CYP39A1: variants seen among roughly 807,000 people sequenced by gnomAD.
CYP39A1 encodes the protein 24-hydroxycholesterol 7-alpha-hydroxylase.
Under a neutral mutation model 58.1 loss-of-function variants are expected in CYP39A1, and 49 were observed. The ratio of observed to expected loss-of-function variants is 0.84; its 90% CI spans 0.67 to 1.07. CYP39A1 has a LOEUF of 1.07. Among genes scored for constraint, CYP39A1 ranks in the 50% least tolerant of loss-of-function variants. The pLI, the probability that CYP39A1 is intolerant of heterozygous loss-of-function variation, is 0.00. For synonymous variants in CYP39A1, 209 were observed against 187.6 expected, an observed-to-expected ratio of 1.11 and a Z score of -0.93; for missense variants, 531 against 539.4, an observed-to-expected ratio of 0.98 and a Z score of 0.16.
Position 46,639,649 on chromosome 6 carries a change from G to T in CYP39A1, c.333C>A (p.Val111=), listed in dbSNP as rs1316861041. The change falls in exon 3 of 12, where the codon GTC becomes GTA. Residue 111 remains valine (V), a synonymous_variant. Transcript: ENST00000275016. ...VYRTASIPKN[V]FLALHEKLYI... ...AGAGTTTTTCATGCAGTGCTAAAAAGACATTCTTTGGAATTGATGCTATGA... is the reference window on the plus strand; with the variant it reads ...AGAGTTTTTCATGCAGTGCTAAAAATACATTCTTTGGAATTGATGCTATGA... 2.5e-6 allele frequency: 4 copies of T among 1,612,062 alleles called. No individual in the cohort carries two copies. The South Asian group carries it at 4.4e-5, about 18-fold the overall frequency.
chr6:46,585,466 A>G (rs1022938341), intron 10 of CYP39A1, among the ~76,000 whole-genome samples: 1 of 152,170 alleles, frequency 6.6e-6, no homozygotes, highest in African/African-American at 2.4e-5. Flanking sequence ...GGTATGTGAC[A>G]AAAACAAAAA....
chr6:46,580,931 A>G lies in CYP39A1; in HGVS notation c.1250+6146T>C, dbSNP rs372007469. ...GTAAAATAGTTCGGTCACTATAAAA[A>G]GCAGTTCGGAGATTTCTCAAAGAAC... On this transcript the variant is annotated intron_variant, in intron 10 of 11. Transcript: ENST00000275016. 1.2e-3 allele frequency among the ~76,000 whole-genome samples: 176 copies of G among 152,334 alleles called. No individual in the cohort carries two copies. In the South Asian group the frequency reaches 0.015, roughly 13 times the overall value.
intron 10 of CYP39A1, among the ~76,000 whole-genome samples, chr6:46,557,891 G>T (rs1390863207): frequency 7.8e-6 from 1 of 128,004 alleles, no homozygotes; most frequent in South Asian, 2.4e-4. Context: ...AGCTGAGATC[G>T]CACCACTGCA....
intron 10 of CYP39A1, among the ~76,000 whole-genome samples, chr6:46,559,226 A>G (rs1770837260): frequency 6.6e-6 from 1 of 152,166 alleles, no homozygotes; most frequent in Non-Finnish European, 1.5e-5. Flanking sequence ...ATGTTACTCT[A>G]TACTCAGACT....
intron 7 of CYP39A1, among the ~76,000 whole-genome samples, chr6:46,604,839 A>C (rs1446130500): frequency 6.6e-6 from 1 of 152,182 alleles, no homozygotes; most frequent in Non-Finnish European, 1.5e-5. Flanking sequence ...TTACTTAAAC[A>C]TAAGATAGCA....
chr6:46,574,272 C>A (rs1037021458), intron 10 of CYP39A1, among the ~76,000 whole-genome samples: 2 of 152,156 alleles, frequency 1.3e-5, no homozygotes, highest in South Asian at 4.1e-4. Context: ...TCAATAGAAA[C>A]CCTAGTAGTT....
chr6:46,629,387 T>C (rs1775514539), intron 6 of CYP39A1, among the ~76,000 whole-genome samples: 1 of 152,204 alleles, frequency 6.6e-6, no homozygotes, highest in Non-Finnish European at 1.5e-5. Flanking sequence ...GATGTTTGTT[T>C]CTCAATTTTG....
intron 10 of CYP39A1, among the ~76,000 whole-genome samples, chr6:46,584,866 T>C (rs932388909): frequency 1.3e-5 from 2 of 152,178 alleles, no homozygotes; most frequent in Non-Finnish European, 2.9e-5. Flanking sequence ...AAGCTCAGTG[T>C]GACGCTTTGG....
At chr6:46,575,224 A>C (rs952941798) in intron 10 of CYP39A1, among the ~76,000 whole-genome samples, 1 of 152,190 alleles carries the variant, frequency 6.6e-6, no homozygotes, top group African/African-American at 2.4e-5. Flanking sequence ...CAGCCTGGAA[A>C]GAGCCCAGAG....
At chr6:46,633,573 G>A (rs1775782410) in intron 5 of CYP39A1, among the ~76,000 whole-genome samples, 1 of 151,832 alleles carries the variant, frequency 6.6e-6, no homozygotes, top group Non-Finnish European at 1.5e-5. Flanking sequence ...AAAAACATTA[G>A]CTCGGCCAGG....
intron 7 of CYP39A1, among the ~76,000 whole-genome samples, chr6:46,600,121 CTTTTCTT>C (rs1379204942): frequency 7.3e-5 from 11 of 151,436 alleles, no homozygotes; most frequent in Non-Finnish European, 8.8e-5. Context: ...CTTTTCTTTT[CTTTTCTT>C]TTTTCTTTTC....
chr6:46,597,260 C>T (rs546199560), intron 7 of CYP39A1, among the ~76,000 whole-genome samples: 2 of 152,050 alleles, frequency 1.3e-5, no homozygotes, highest in Non-Finnish European at 2.9e-5. Context: ...ACAGGCTGTA[C>T]CAGTATTACA....
chr6:46,583,298 T>G (rs1205835732), intron 10 of CYP39A1: 1 of 985,218 alleles, frequency 1.0e-6, no homozygotes, highest in Non-Finnish European at 1.2e-6. Context: ...ACACAGCAAA[T>G]CAGGCATCCT....
rs531582767 is a variant in CYP39A1 at position 46,646,101 on chromosome 6, T to C, written c.178-3803A>G. On this transcript the variant is annotated intron_variant, in intron 1 of 11. Transcript: ENST00000275016. ...TATTTCTTATTTTCGAATCCATATA[T>C]ATTTTCTTTTCTTTTCTTACTTTAT... Among the ~76,000 whole-genome samples the C allele has an allele frequency of 3.9e-5, 6 of 152,218 alleles. No individual in the cohort carries two copies. In the East Asian group the frequency reaches 1.2e-3, roughly 29 times the overall value.
chr6:46,552,285 C>G (rs1770442240), intron 11 of CYP39A1, among the ~76,000 whole-genome samples: 1 of 152,048 alleles, frequency 6.6e-6, no homozygotes, highest in African/African-American at 2.4e-5. Flanking sequence ...AAAGCCTGAC[C>G]CTGATGTTCA....
In CYP39A1 at chr6:46,550,205, G is replaced by A; in HGVS notation, c.*161C>T. 4.0e-6 allele frequency: 2 copies of A among 496,650 alleles called. No homozygotes were observed. The highest frequency in any genetic ancestry group is 2.0e-5 in the African/African-American group (1 of 50,942). The allele number at this position is 496,650 out of a possible 1,614,324, so 30.8% of individuals were successfully genotyped here. ...AGTGATGTTAGATTCTTGGTCTACTGTTGAAGATACCAAACACATGCACCA... is the reference window on the plus strand; with the variant it reads ...AGTGATGTTAGATTCTTGGTCTACTATTGAAGATACCAAACACATGCACCA... On this transcript the variant is annotated 3_prime_UTR_variant, in exon 12 of 12. Coordinates refer to ENST00000275016, the MANE Select transcript of CYP39A1 (RefSeq NM_016593.5).
rs1186672097 is a variant in CYP39A1 at position 46,636,523 on chromosome 6, A to G, written c.639-41T>C. The G allele has an allele frequency of 6.1e-6, 8 of 1,314,818 alleles. No individual in the cohort carries two copies. The Admixed American group carries it at 1.0e-4, about 16-fold the overall frequency. 81.4% of individuals were successfully genotyped at this position (1,314,818 alleles called of 1,614,324 possible). A position where few individuals can be genotyped will look rare whatever the true frequency, so the allele number is the denominator to read the frequency against. On this transcript the variant is annotated intron_variant, in intron 4 of 11. Transcript: ENST00000275016. ...TATATATAGAAATTAATTGGAAAGC[A>G]CTTTAGGAATAACAGGTCACAGCAT... is the stretch of plus-strand genomic sequence containing the variant.
At chr6:46,607,796 C>T (rs1773939078) in intron 7 of CYP39A1, among the ~76,000 whole-genome samples, 1 of 152,142 alleles carries the variant, frequency 6.6e-6, no homozygotes, top group Non-Finnish European at 1.5e-5. Context: ...TAAAATCCTT[C>T]CAAGATTTAA....
rs1582487764 is a variant in CYP39A1, at chr6:46,652,776, A to C, written c.-194T>G. On this transcript the variant is annotated 5_prime_UTR_variant, in exon 1 of 12. Coordinates refer to ENST00000275016, the MANE Select transcript of CYP39A1 (RefSeq NM_016593.5). ...GATTTTTCCATTGTCGCTCCCTCCC[A>C]CCTCCACTTCTCTTTGAATCTCAGC... The C allele has an allele frequency of 1.9e-6, 1 of 514,580 alleles. No individual in the cohort carries two copies. The allele number at this position is 514,580 out of a possible 1,614,324, so 31.9% of individuals were successfully genotyped here. A position where few individuals can be genotyped will look rare whatever the true frequency, so the allele number is the denominator to read the frequency against.
Sources: allele counts gnomAD v4.1 joint callset (sites outside exome capture counted in the v4.1 genomes callset), GRCh38; gene constraint gnomAD v4.1.1; transcripts MANE v1.5; gene names NCBI Gene and HGNC (gene_info 2026-07-23, HGNC 2026-07-21).